The following PYGO1 variants were observed in gnomAD, a reference collection of about 807,000 sequenced individuals.
The protein encoded by PYGO1 is pygopus family PHD finger 1.
A neutral mutation model predicts 29.5 loss-of-function variants in PYGO1; 6 were observed. The observed-to-expected ratio is 0.20, with a 90% confidence interval of 0.11 to 0.40. The LOEUF is 0.40. PYGO1 is among the 10% of genes least tolerant of loss of function. The pLI, the probability that PYGO1 is intolerant of heterozygous loss-of-function variation, is 1.00. For synonymous variants in PYGO1, 186 were observed against 180.5 expected (o/e 1.03, Z -0.24); for missense variants, 515 against 514.9 (o/e 1.00, Z 0.00).
chr15:55,547,395 C>T (rs2058857396), intron 2 of PYGO1, among the ~76,000 whole-genome samples: 1 of 152,188 alleles, frequency 6.6e-6, no homozygotes, highest in South Asian at 2.1e-4. Flanking sequence ...GAGCTCAAAT[C>T]CATTGTAACT....
intron 1 of PYGO1, among the ~76,000 whole-genome samples, chr15:55,554,124 T>C (rs1266081563): frequency 6.6e-6 from 1 of 152,010 alleles, no homozygotes; most frequent in Non-Finnish European, 1.5e-5. Flanking sequence ...ACAGAGTGCC[T>C]CTTCTCCTCC....
Position 55,540,134 on chromosome 15 carries a change from G to A in PYGO1, c.*5889C>T, listed in dbSNP as rs969928397. The A allele has an allele frequency of 1.3e-5, 2 of 151,946 alleles. No homozygotes were observed. The highest frequency in any genetic ancestry group is 3.9e-4 in the East Asian group (2 of 5,194). The allele number at this position is 151,946 out of a possible 1,614,324, so 9.4% of individuals were successfully genotyped here. A position where few individuals can be genotyped will look rare whatever the true frequency, so the allele number is the denominator to read the frequency against. ...AAGCTTAAAAATTTGCCTTCAAGAT[G>A]AAACATTTTTCTTTAAAATCGTGAT... is the stretch of plus-strand genomic sequence containing the variant. On this transcript the variant is annotated 3_prime_UTR_variant, in exon 3 of 3. Coordinates refer to ENST00000563719, the MANE Select transcript of PYGO1 (RefSeq NM_001367806.1).
Position 55,542,746 on chromosome 15 carries a change from C to G in PYGO1, c.*3277G>C, listed in dbSNP as rs969576499. On this transcript the variant is annotated 3_prime_UTR_variant, in exon 3 of 3. Transcript: ENST00000563719. ...AGGAGTTTGACACCAGCCTGGCCAA[C>G]ATGGTGAACCCGTCTCTACTAAAAA... 6.6e-6 allele frequency: 1 copy of G among 152,022 alleles called. No individual in the cohort carries two copies. Among genetic ancestry groups the G allele is most frequent in the Non-Finnish European group, 1.5e-5 (1 of 68,052 alleles). 9.4% of individuals were successfully genotyped at this position (152,022 alleles called of 1,614,324 possible).
rs1486270888 is a variant in PYGO1, at chr15:55,539,170, T to C, written c.*6853A>G. 6.6e-6 allele frequency: 1 copy of C among 152,190 alleles called. No homozygotes were observed. Among genetic ancestry groups the C allele is most frequent in the Non-Finnish European group, 1.5e-5 (1 of 68,010 alleles). 9.4% of individuals were successfully genotyped at this position (152,190 alleles called of 1,614,324 possible). A position where few individuals can be genotyped will look rare whatever the true frequency, so the allele number is the denominator to read the frequency against. ...AAAAAACTAAAATGTAGATGACAAA[T>C]TAAACTCTTCCAATTTTAAATTCTA... On this transcript the variant is annotated 3_prime_UTR_variant, in exon 3 of 3. Coordinates refer to ENST00000563719, the MANE Select transcript of PYGO1 (RefSeq NM_001367806.1).
At chr15:55,555,875 C>T (rs1295101332) in intron 1 of PYGO1, among the ~76,000 whole-genome samples, 1 of 151,714 alleles carries the variant, frequency 6.6e-6, no homozygotes, top group Non-Finnish European at 1.5e-5. Flanking sequence ...GCAGGGGTTG[C>T]AATACTAGTT....
chr15:55,562,062 A>G (rs1417159733), intron 1 of PYGO1, among the ~76,000 whole-genome samples: 3 of 152,222 alleles, frequency 2.0e-5, no homozygotes, highest in Non-Finnish European at 4.4e-5. Context: ...AAAAAAAGAC[A>G]TTTATGCAGC....
At chr15:55,576,926 A>C (rs1178338235) in intron 1 of PYGO1, among the ~76,000 whole-genome samples, 1 of 151,958 alleles carries the variant, frequency 6.6e-6, no homozygotes, top group East Asian at 1.9e-4. Flanking sequence ...TCACTAAGCC[A>C]AGGGAAAGGT....
In PYGO1 at chr15:55,576,760, C is replaced by CAAAAA. The variant is rs10648446; in HGVS notation, c.49+11070_49+11074dup. Among the ~76,000 whole-genome samples the CAAAAA allele has an allele frequency of 9.1e-4, 49 of 53,574 alleles. 6 individuals are homozygous for CAAAAA. Among genetic ancestry groups the CAAAAA allele is most frequent in the African/African-American group, 2.6e-3 (42 of 15,858 alleles). 35.1% of individuals were successfully genotyped at this position (53,574 alleles called of 152,430 possible). A position where few individuals can be genotyped will look rare whatever the true frequency, so the allele number is the denominator to read the frequency against. On this transcript the variant is annotated intron_variant, in intron 1 of 2. Coordinates refer to ENST00000563719, the MANE Select transcript of PYGO1 (RefSeq NM_001367806.1). ...CTGCACTCCAGCCTGGGCGACAGAT[C>CAAAAA]AAAAAAAAGAAGTGGGGGAAAAGAT...
intron 1 of PYGO1, 46 bp from the exon 2 acceptor site, chr15:55,549,041 G>T: frequency 6.9e-7 from 1 of 1,449,862 alleles, no homozygotes; most frequent in South Asian, 1.2e-5. Flanking sequence ...TGTAAGTGAA[G>T]TTACTTTATA....
intron 1 of PYGO1, among the ~76,000 whole-genome samples, chr15:55,556,831 A>G (rs1404781760): frequency 6.6e-6 from 1 of 152,114 alleles, no homozygotes; most frequent in Admixed American, 6.6e-5. Flanking sequence ...ACAGAAATAC[A>G]ATACAGAAAT....
chr15:55,582,791 T>C (rs1247803465), intron 1 of PYGO1, among the ~76,000 whole-genome samples: 1 of 152,122 alleles, frequency 6.6e-6, no homozygotes, highest in Non-Finnish European at 1.5e-5. Context: ...TGGACCAATT[T>C]TAAAAACAAA....
At chr15:55,554,205 C>G (rs1456482948) in intron 1 of PYGO1, among the ~76,000 whole-genome samples, 1 of 151,982 alleles carries the variant, frequency 6.6e-6, no homozygotes, top group Non-Finnish European at 1.5e-5. Flanking sequence ...TGGCTCATGC[C>G]TGTAATCCCA....
intron 1 of PYGO1, among the ~76,000 whole-genome samples, chr15:55,581,716 G>GA (rs2059025537): frequency 6.6e-6 from 1 of 152,096 alleles, no homozygotes; most frequent in African/African-American, 2.4e-5. Context: ...GGATTAAGCA[G>GA]GAAGATCCAT....
intron 1 of PYGO1, among the ~76,000 whole-genome samples, chr15:55,557,645 A>C (rs964414257): frequency 1.3e-5 from 2 of 152,212 alleles, no homozygotes; most frequent in African/African-American, 4.8e-5. Context: ...CTTATCCACC[A>C]TGATCAAGTG....
intron 1 of PYGO1, among the ~76,000 whole-genome samples, chr15:55,554,801 A>T (rs993995088): frequency 6.6e-6 from 1 of 152,214 alleles, no homozygotes; most frequent in Non-Finnish European, 1.5e-5. Context: ...TTCTGAAATA[A>T]GAAAGGCAGA....
chr15:55,538,938 AT>A lies in PYGO1; in HGVS notation c.*7084del, dbSNP rs1181154305. The A allele has an allele frequency of 6.6e-6, 1 of 152,330 alleles. No homozygotes were observed. Among genetic ancestry groups the A allele is most frequent in the East Asian group, 1.9e-4 (1 of 5,188 alleles). The allele number at this position is 152,330 out of a possible 1,614,324, so 9.4% of individuals were successfully genotyped here. ...AAAGAATCTGAACCATAATAACACT[AT>A]AGGAAACAAACTTACAATACATATT... On this transcript the variant is annotated 3_prime_UTR_variant, in exon 3 of 3. Coordinates refer to ENST00000563719, the MANE Select transcript of PYGO1 (RefSeq NM_001367806.1).
At chr15:55,557,562 C>G (rs1378243226) in intron 1 of PYGO1, among the ~76,000 whole-genome samples, 1 of 152,114 alleles carries the variant, frequency 6.6e-6, no homozygotes, top group Non-Finnish European at 1.5e-5. Flanking sequence ...TTAGACCAAT[C>G]TCCCTGATGA....
chr15:55,584,393 G>A (rs905512156), intron 1 of PYGO1, among the ~76,000 whole-genome samples: 3 of 152,054 alleles, frequency 2.0e-5, no homozygotes, highest in Admixed American at 6.6e-5. Flanking sequence ...TTACAAGCGT[G>A]AGCCACTGCG....
chr15:55,553,498 C>G (rs996394074), intron 1 of PYGO1, among the ~76,000 whole-genome samples: 1 of 151,910 alleles, frequency 6.6e-6, no homozygotes, highest in Admixed American at 6.6e-5. Context: ...TGGGCTCAAG[C>G]GATCCTCCTG....
Sources: gnomAD v4.1 joint callset for allele counts (sites outside exome capture counted in the v4.1 genomes callset) on GRCh38, gnomAD v4.1.1 for gene constraint, MANE v1.5 for transcripts, NCBI Gene and HGNC (gene_info 2026-07-23, HGNC 2026-07-21) for gene names.